Variants in ASCC3 observed in about 807,000 individuals in gnomAD.
ASCC3 encodes the protein activating signal cointegrator 1 complex subunit 3.
In ASCC3, 158 loss-of-function variants were observed where a neutral mutation model predicts 256.3. The ratio of observed to expected loss-of-function variants is 0.62; its 90% CI spans 0.54 to 0.70. The LOEUF (loss-of-function observed/expected upper bound fraction) is 0.70, where lower values mean the gene tolerates loss of function less well. Ranked by LOEUF, ASCC3 falls within the 30% of genes least tolerant of loss-of-function variation. The pLI, the probability that ASCC3 is intolerant of heterozygous loss-of-function variation, is 0.00. For missense variants in ASCC3, 2,259 were observed against 2,626.0 expected, an observed-to-expected ratio of 0.86 and a Z score of 3.05; for synonymous variants, 948 against 883.4, an observed-to-expected ratio of 1.07 and a Z score of -1.30.
At chr6:100,737,301 T>G (rs1780222804) in intron 10 of ASCC3, among the ~76,000 whole-genome samples, 1 of 151,904 alleles carries the variant, frequency 6.6e-6, no homozygotes, top group African/African-American at 2.4e-5. Flanking sequence ...ACGTGTGCCA[T>G]GGTGGTTTGC....
chr6:100,546,140 T>G lies in ASCC3; in HGVS notation c.5551-5753A>C, dbSNP rs545838537. Among the ~76,000 whole-genome samples, 19 of 152,278 alleles carry G rather than the reference T, an allele frequency of 1.2e-4. No homozygotes were observed. The South Asian group carries it at 3.9e-3, about 32-fold the overall frequency. On this transcript the variant is annotated intron_variant, in intron 36 of 41. Coordinates refer to ENST00000369162, the MANE Select transcript of ASCC3 (RefSeq NM_006828.4). ...CCAACAATCAGAAATAAAAAAGGAA[T>G]TCATGATAACATTATATATATGAAG...
Position 100,541,681 on chromosome 6 carries a change from A to G in ASCC3, c.5551-1294T>C, listed in dbSNP as rs1775472001. ...GAATACAAAAAATACAGTACTCAAG[A>G]AGGTGAAATTCACAATGTATGTCAT... On this transcript the variant is annotated intron_variant, in intron 36 of 41. Transcript: ENST00000369162. Among the ~76,000 whole-genome samples, 3 of 152,220 alleles carry G rather than the reference A, an allele frequency of 2.0e-5. No individual in the cohort carries two copies. In the South Asian group the frequency reaches 6.2e-4, roughly 32 times the overall value.
At chr6:100,870,472 G>A (rs1444367204) in intron 1 of ASCC3, among the ~76,000 whole-genome samples, 1 of 152,062 alleles carries the variant, frequency 6.6e-6, no homozygotes, top group Non-Finnish European at 1.5e-5. Context: ...GGCTCAGGGT[G>A]ACCAAATCTG....
intron 10 of ASCC3, among the ~76,000 whole-genome samples, chr6:100,731,395 T>C (rs1216032343): frequency 6.6e-6 from 1 of 152,216 alleles, no homozygotes; most frequent in Non-Finnish European, 1.5e-5. Flanking sequence ...AATACTTTGT[T>C]ACCCTGAAAC....
intron 36 of ASCC3, among the ~76,000 whole-genome samples, chr6:100,543,656 G>C (rs1775571798): frequency 6.6e-6 from 1 of 151,632 alleles, no homozygotes; most frequent in African/African-American, 2.4e-5. Flanking sequence ...TCAATCAGAA[G>C]GACATAACAA....
At chr6:100,678,394 A>G (rs993874917) in intron 14 of ASCC3, among the ~76,000 whole-genome samples, 1 of 152,138 alleles carries the variant, frequency 6.6e-6, no homozygotes, top group Non-Finnish European at 1.5e-5. Context: ...AATCTGTACA[A>G]TAAGTGTTAG....
chr6:100,681,584 G>C (rs1452553976), intron 13 of ASCC3, among the ~76,000 whole-genome samples: 1 of 151,604 alleles, frequency 6.6e-6, no homozygotes, highest in Non-Finnish European at 1.5e-5. Flanking sequence ...AAAATTAGCG[G>C]GGCGTGGTGG....
At chr6:100,763,471 C>T (rs907090752) in intron 10 of ASCC3, among the ~76,000 whole-genome samples, 6 of 152,066 alleles carry the variant, frequency 3.9e-5, no homozygotes, top group African/African-American at 1.4e-4. Context: ...GGAGATCGGT[C>T]AGGGTGGTGG....
intron 4 of ASCC3, among the ~76,000 whole-genome samples, chr6:100,807,402 T>C (rs1165959721): frequency 6.7e-6 from 1 of 149,698 alleles, no homozygotes; most frequent in Non-Finnish European, 1.5e-5. Context: ...CTGTGTTCCC[T>C]TACCCTCCAT....
At chr6:100,719,113 A>G (rs369605283) in intron 11 of ASCC3, among the ~76,000 whole-genome samples, 4 of 152,108 alleles carry the variant, frequency 2.6e-5, no homozygotes, top group South Asian at 4.1e-4. Flanking sequence ...GCAGTGCTGA[A>G]TAAGACATAG....
In ASCC3 at chr6:100,803,908, T is replaced by C. The variant is rs140832488; in HGVS notation, c.922+1852A>G. 5.3e-5 allele frequency among the ~76,000 whole-genome samples: 8 copies of C among 152,254 alleles called. No individual in the cohort carries two copies. In the East Asian group the frequency reaches 1.5e-3, roughly 29 times the overall value. ...ACAGTTGCCAAATTTCTTACGCTCA[T>C]ATACTTTTTTAAAATCCAAAACTAT... On this transcript the variant is annotated intron_variant, in intron 5 of 41. Transcript: ENST00000369162.
intron 10 of ASCC3, among the ~76,000 whole-genome samples, chr6:100,741,779 G>C (rs577833131): frequency 6.6e-6 from 1 of 152,070 alleles, no homozygotes; most frequent in Non-Finnish European, 1.5e-5. Flanking sequence ...GTCAGCTCTC[G>C]TACTGTTTTA....
At chr6:100,660,819 C>A (rs1046678726) in intron 16 of ASCC3, among the ~76,000 whole-genome samples, 24 of 151,684 alleles carry the variant, frequency 1.6e-4, no homozygotes, top group Non-Finnish European at 5.9e-5. Flanking sequence ...CCTATTTTCT[C>A]CTTCTGCTGA....
intron 37 of ASCC3, among the ~76,000 whole-genome samples, chr6:100,537,807 T>C (rs1259627455): frequency 6.6e-6 from 1 of 151,514 alleles, no homozygotes; most frequent in South Asian, 2.1e-4. Context: ...GAGAAAACGA[T>C]TTCTCTTTAA....
intron 4 of ASCC3, among the ~76,000 whole-genome samples, chr6:100,842,305 C>A (rs75795273): frequency 6.6e-6 from 1 of 152,102 alleles, no homozygotes; most frequent in Non-Finnish European, 1.5e-5. Context: ...TTGTAATACA[C>A]ACATTAAATG....
rs556377410 is a variant in ASCC3, at chr6:100,581,173, G to T, written c.5550+8461C>A. ...AATCGCCACACTGACTTCCACAATG[G>T]TTGAACTACTTTACAGTCCCACCAA... On this transcript the variant is annotated intron_variant, in intron 36 of 41. Transcript: ENST00000369162. Among the ~76,000 whole-genome samples the T allele has an allele frequency of 7.0e-4, 107 of 152,252 alleles. 1 individual carries two copies. The highest frequency in any genetic ancestry group is 5.9e-4 in the Admixed American group (9 of 15,296).
chr6:100,580,062 C>A (rs1475735686), intron 36 of ASCC3, among the ~76,000 whole-genome samples: 1 of 151,952 alleles, frequency 6.6e-6, no homozygotes, highest in African/African-American at 2.4e-5. Flanking sequence ...AGTTGTATTT[C>A]TAGGTATTTT....
chr6:100,574,767 T>C (rs547443873), intron 36 of ASCC3, among the ~76,000 whole-genome samples: 2 of 152,010 alleles, frequency 1.3e-5, no homozygotes, highest in East Asian at 1.9e-4. Context: ...TGTCGGAACA[T>C]AACAGCTTAA....
At chr6:100,558,889 C>T (rs1022713725) in intron 36 of ASCC3, among the ~76,000 whole-genome samples, 11 of 151,960 alleles carry the variant, frequency 7.2e-5, no homozygotes, top group Non-Finnish European at 1.5e-4. Flanking sequence ...TTTGTAGGAG[C>T]TTTTTCTATG....
Sources: allele counts gnomAD v4.1 joint callset (sites outside exome capture counted in the v4.1 genomes callset), GRCh38; gene constraint gnomAD v4.1.1; transcripts MANE v1.5; gene names NCBI Gene and HGNC (gene_info 2026-07-23, HGNC 2026-07-21).